The following FLNC variants were observed in gnomAD, a reference collection of about 807,000 sequenced individuals.
FLNC encodes filamin C.
In FLNC, 91 loss-of-function variants were observed where a neutral mutation model predicts 254.3. The ratio of observed to expected loss-of-function variants is 0.36; its 90% confidence interval spans 0.30 to 0.43. FLNC has a LOEUF of 0.43. FLNC is among the 20% of genes least tolerant of loss of function. FLNC has a pLI of 1.00. For synonymous variants in FLNC, 1,430 were observed against 1,577.2 expected, an observed-to-expected ratio of 0.91 and a Z score of 2.21; for missense variants, 2,853 against 3,802.6, an observed-to-expected ratio of 0.75 and a Z score of 6.57.
At chr7:128,839,486 T>C (rs1247922304) in intron 8 of FLNC, among the ~76,000 whole-genome samples, 1 of 152,252 alleles carries the variant, frequency 6.6e-6, no homozygotes, top group African/African-American at 2.4e-5. Flanking sequence ...TTCTGGATTC[T>C]GTGGCAGGCT....
At chr7:128,847,030 G>A in intron 24 of FLNC, 125 bp downstream of exon 24, 1 of 1,262,792 alleles carries the variant, frequency 7.9e-7, no homozygotes, top group Non-Finnish European at 1.1e-6. Context: ...CCTAGAGTGG[G>A]TTGGGGCCGG....
chr7:128,848,148 G>A, intron 26 of FLNC, 80 bp downstream of exon 26: 1 of 1,504,638 alleles, frequency 6.6e-7, no homozygotes, highest in Non-Finnish European at 9.0e-7. Context: ...GATCACTGCT[G>A]GAGTCCCCTG....
At position 128,850,053 on chromosome 7, in the gene FLNC, C is replaced by G; in HGVS notation, c.5277C>G (p.Pro1759=). 6.5e-7 allele frequency: 1 copy of G among 1,542,866 alleles called. No individual in the cohort carries two copies. Among genetic ancestry groups the G allele is most frequent in the African/African-American group, 1.4e-5 (1 of 73,416 alleles). The change falls in exon 31 of 48, where the codon CCC becomes CCG. Residue 1759 remains proline, a synonymous_variant. Coordinates refer to ENST00000325888, the MANE Select transcript of FLNC (RefSeq NM_001458.5). ...QLRQPYAPPR[P]GARPTHWATE... is the part of the protein sequence containing the mutation. Reference sequence around the variant, plus strand: ...GCCAGCCCTACGCTCCTCCCCGGCCCGGCGCCCGCCCCACACACTGGGTAC... The same window carrying G: ...GCCAGCCCTACGCTCCTCCCCGGCCGGGCGCCCGCCCCACACACTGGGTAC...
Position 128,837,565 on chromosome 7 carries a change from G to C in FLNC, c.850+17G>C. On this transcript the variant is annotated intron_variant, in intron 4 of 47. Transcript: ENST00000325888. ...ATGGGCCTGGTATGTGTGAGCCCCT[G>C]GCGGCCCTCCTGGGCAGCTGGGCAC... 6.2e-7 allele frequency: 1 copy of C among 1,614,066 alleles called. No individual in the cohort carries two copies. The highest frequency in any genetic ancestry group is 8.5e-7 in the Non-Finnish European group (1 of 1,180,028).
At chr7:128,843,358 G>T in intron 17 of FLNC, 39 bp downstream of exon 17, 1 of 1,612,722 alleles carries the variant, frequency 6.2e-7, no homozygotes, top group Non-Finnish European at 8.5e-7. Flanking sequence ...GCTCGAGGTT[G>T]GGGTTAGGTG....
rs765385925 is a variant in FLNC, at chr7:128,856,580, C to T, written c.7314C>T (p.Gly2438=). The T allele has an allele frequency of 2.0e-5, 33 of 1,612,632 alleles. No individual in the cohort carries two copies. Among genetic ancestry groups the T allele is most frequent in the Non-Finnish European group, 2.5e-5 (29 of 1,179,982 alleles). The change falls in exon 44 of 48, where the codon GGC becomes GGT. Residue 2438 remains glycine (G), a synonymous_variant. Coordinates refer to ENST00000325888, the MANE Select transcript of FLNC (RefSeq NM_001458.5). This position sits in a 1 kb window ranked among gnomAD's most constrained non-coding sequence, Gnocchi z 5.9. ...SFAVQLNGAR[G]VIDARVHTPS... ...CCGTGCAGCTGAACGGTGCCCGGGG[C>T]GTGATTGATGCCCGGGTGCACACAC...
chr7:128,846,184 C>CTAGT, intron 22 of FLNC, 21 bp downstream of exon 22: 1 of 1,613,802 alleles, frequency 6.2e-7, no homozygotes, highest in Non-Finnish European at 8.5e-7. Context: ...GTGGGCCAGG[C>CTAGT]TAGTGGGCAG....
intron 10 of FLNC, 29 bp from the exon 11 acceptor site, chr7:128,840,805 G>C (rs573884849): frequency 6.2e-7 from 1 of 1,613,540 alleles, no homozygotes; most frequent in South Asian, 1.1e-5. Flanking sequence ...GCACTTCCTG[G>C]CATGGACACC....
Position 128,848,597 on chromosome 7 carries a change from C to A in FLNC, c.4617C>A (p.Ala1539=). 1 of 1,614,006 alleles carries A rather than the reference C, an allele frequency of 6.2e-7. No homozygotes were observed. The change falls in exon 27 of 48, where the codon GCC becomes GCA. Residue 1539 remains alanine, a synonymous_variant. Transcript: ENST00000325888. ...TCAAGGTCCTCCCAGCTCATGATGC[C>A]AGCAAGGTGCGGGCCAGCGGCCCAG... ...FKIKVLPAHD[A]SKVRASGPGL...
chr7:128,849,000 G>T lies in FLNC; in HGVS notation c.4927+18G>T. 6.2e-7 allele frequency: 1 copy of T among 1,608,298 alleles called. No individual in the cohort carries two copies. The highest frequency in any genetic ancestry group is 8.5e-7 in the Non-Finnish European group (1 of 1,177,682). On this transcript the variant is annotated intron_variant, in intron 28 of 47. Coordinates refer to ENST00000325888, the MANE Select transcript of FLNC (RefSeq NM_001458.5). ...CGTCACAGGTGGGTGCCCACCCGCTGCCCGTGCCCTGCTCACCACCCAGCC... is the reference window on the plus strand; with the variant it reads ...CGTCACAGGTGGGTGCCCACCCGCTTCCCGTGCCCTGCTCACCACCCAGCC...
chr7:128,841,714 A>G lies in FLNC; in HGVS notation c.2121+147A>G. On this transcript the variant is annotated intron_variant, in intron 13 of 47. Coordinates refer to ENST00000325888, the MANE Select transcript of FLNC (RefSeq NM_001458.5). The surrounding 1 kb of genome is among the most constrained non-coding windows in gnomAD (Gnocchi z 4.3). ...GACTGATACTCATGGGCCCATCAGT[A>G]CCATGGAAAATTTTAAATTTTGTGT... The G allele has an allele frequency of 1.5e-6, 1 of 677,542 alleles. No individual in the cohort carries two copies. Among genetic ancestry groups the G allele is most frequent in the South Asian group, 1.6e-5 (1 of 63,252 alleles). 42.0% of individuals were successfully genotyped at this position (677,542 alleles called of 1,614,324 possible).
intron 26 of FLNC, 113 bp from the exon 27 acceptor site, chr7:128,848,448 C>A: frequency 8.7e-7 from 1 of 1,155,050 alleles, no homozygotes; most frequent in Non-Finnish European, 1.3e-6. Flanking sequence ...CCCTGCCCCA[C>A]AGTCCTCCCT....
intron 43 of FLNC, among the ~76,000 whole-genome samples, chr7:128,855,994 T>C (rs550584382): frequency 1.2e-4 from 19 of 152,292 alleles, no homozygotes; most frequent in African/African-American, 4.6e-4. Context: ...GGTGGTCACA[T>C]TGGCCCATCC....
Position 128,843,506 on chromosome 7 carries a change from G to A in FLNC, c.2740G>A (p.Val914Ile). ...GTTTGCAGGGACAGCCAAGGGCGAG[G>A]TTGTGCGGGACTTTGAGATCATAGA... ...VQFAGTAKGE[V>I]VRDFEIIDNH... The change falls in exon 18 of 48, where the codon GTT becomes ATT. Residue 914 changes from valine (V) to isoleucine (I), a missense_variant. Physicochemically the swap from Val to Ile is conservative, Grantham distance 29. Coordinates refer to ENST00000325888, the MANE Select transcript of FLNC (RefSeq NM_001458.5). 2 of 1,614,064 alleles carry A rather than the reference G, an allele frequency of 1.2e-6. No individual in the cohort carries two copies. The highest frequency in any genetic ancestry group is 1.7e-6 in the Non-Finnish European group (2 of 1,180,042).
In FLNC at chr7:128,856,187, C is replaced by G. The variant is rs775198671; in HGVS notation, c.7252-331C>G. Among the ~76,000 whole-genome samples, 18 of 152,234 alleles carry G rather than the reference C, an allele frequency of 1.2e-4. No individual in the cohort carries two copies. The highest frequency in any genetic ancestry group is 4.3e-4 in the African/African-American group (18 of 41,462). ...CCTACCTCAGAGCTCTCTGGCACCC[C>G]CAGCCCACACAGCCCATCAGGCACT... is the stretch of plus-strand genomic sequence containing the variant. On this transcript the variant is annotated intron_variant, in intron 43 of 47. Coordinates refer to ENST00000325888, the MANE Select transcript of FLNC (RefSeq NM_001458.5). This position sits in a 1 kb window ranked among gnomAD's most constrained non-coding sequence, Gnocchi z 5.9.
chr7:128,858,469 C>T lies in FLNC; in HGVS notation c.8124C>T (p.Val2708=). 6.2e-7 allele frequency: 1 copy of T among 1,613,802 alleles called. No individual in the cohort carries two copies. The highest frequency in any genetic ancestry group is 2.2e-5 in the East Asian group (1 of 44,878). ...AGAAAGGGGACTACATCCTCATTGT[C>T]AAGTGGGGTGACGAAAGTGTCCCTG... ...VKEKGDYILI[V]KWGDESVPGS... The change falls in exon 48 of 48, where the codon GTC becomes GTT. Residue 2708 remains valine, a synonymous_variant. Coordinates refer to ENST00000325888, the MANE Select transcript of FLNC (RefSeq NM_001458.5). The surrounding 1 kb of genome is among the most constrained non-coding windows in gnomAD (Gnocchi z 6.7).
Position 128,840,062 on chromosome 7 carries a change from T to C in FLNC, c.1451T>C (p.Leu484Pro). The change falls in exon 9 of 48, where the codon CTG becomes CCG. Residue 484 changes from leucine (L) to proline (P), a missense_variant. This residue lies in a region of FLNC where 1,573 missense variants were observed against 1,883.5 expected (regional missense o/e 0.84). Coordinates refer to ENST00000325888, the MANE Select transcript of FLNC (RefSeq NM_001458.5). ...GCCTGCCGCGCCTCTGGGCGAGGCC[T>C]GCAGCCCAAGGGTGTTCGCGTGAAA... ...PNACRASGRG[L>P]QPKGVRVKEV... 1.2e-6 allele frequency: 2 copies of C among 1,614,058 alleles called. No individual in the cohort carries two copies. The highest frequency in any genetic ancestry group is 1.7e-6 in the Non-Finnish European group (2 of 1,180,004).
rs778565971 is a variant in FLNC, at chr7:128,838,419, C to T, written c.1200C>T (p.Ile400=). ...CCAACAAACCCACCTACTTTGACAT[C>T]TACACTGCGGGTAGGACGGGCCCCA... ...NVANKPTYFD[I]YTAGAGTGDV... is the part of the protein sequence containing the mutation. Residue 400 remains isoleucine (I), a synonymous_variant, in exon 7 of 48, where the codon ATC becomes ATT. Transcript: ENST00000325888. 5.1e-5 allele frequency: 82 copies of T among 1,613,770 alleles called. No homozygotes were observed. Among genetic ancestry groups the T allele is most frequent in the Non-Finnish European group, 3.4e-6 (4 of 1,180,006 alleles).
intron 37 of FLNC, 149 bp from the exon 38 acceptor site, chr7:128,853,320 C>A: frequency 3.1e-6 from 3 of 967,450 alleles, no homozygotes; most frequent in South Asian, 1.5e-5. Flanking sequence ...TCCCGTGGTG[C>A]CCCCGCTCCT....
Sources: gnomAD v4.1 joint callset for allele counts (sites outside exome capture counted in the v4.1 genomes callset) on GRCh38, gnomAD v4.1.1 for gene constraint, gnomAD v4.1.1 regional missense constraint, Gnocchi (gnomAD v3.1) non-coding constraint, MANE v1.5 for transcripts, NCBI Gene and HGNC (gene_info 2026-07-23, HGNC 2026-07-21) for gene names.